AUTS2: variants seen among roughly 807,000 people sequenced by gnomAD.
AUTS2 encodes the protein activator of transcription and developmental regulator AUTS2.
In AUTS2, 17 loss-of-function variants were observed where a neutral mutation model predicts 112.4. The observed-to-expected ratio is 0.15, with a 90% CI of 0.10 to 0.23. AUTS2 has a LOEUF of 0.23. AUTS2 is among the 10% of genes least tolerant of loss of function. AUTS2 has a pLI of 1.00. For synonymous variants in AUTS2, 751 were observed against 702.7 expected (o/e 1.07, Z -1.09); for missense variants, 1,510 against 1,701.6 (o/e 0.89, Z 1.98).
intron 13 of AUTS2, chr7:70,776,759 C>A: frequency 2.7e-6 from 1 of 370,820 alleles, no homozygotes; most frequent in Non-Finnish European, 5.1e-6. Flanking sequence ...TTAAGTAGGG[C>A]TTCCCACTCT....
chr7:70,632,316 C>A (rs757684797), intron 5 of AUTS2, among the ~76,000 whole-genome samples: 13 of 152,124 alleles, frequency 8.5e-5, no homozygotes, highest in African/African-American at 3.1e-4. Flanking sequence ...CCGGGGGATT[C>A]GGTTTCCTCT....
intron 6 of AUTS2, among the ~76,000 whole-genome samples, chr7:70,734,586 G>C (rs1787671454): frequency 6.6e-6 from 1 of 152,142 alleles, no homozygotes; most frequent in African/African-American, 2.4e-5. Flanking sequence ...GGGGCTGGCA[G>C]GGTGAGGTAT....
At chr7:70,015,040 G>A (rs1453278560) in intron 2 of AUTS2, among the ~76,000 whole-genome samples, 2 of 152,214 alleles carry the variant, frequency 1.3e-5, no homozygotes, top group Non-Finnish European at 2.9e-5. Flanking sequence ...ATATCCAGCT[G>A]TTGTGGTGGT....
At chr7:70,400,965 G>A (rs1794302205) in intron 4 of AUTS2, among the ~76,000 whole-genome samples, 1 of 152,166 alleles carries the variant, frequency 6.6e-6, no homozygotes, top group African/African-American at 2.4e-5. Flanking sequence ...GGAGCTGAGA[G>A]AGCCTGGAGG....
chr7:69,786,664 C>T (rs1405266987), intron 1 of AUTS2, among the ~76,000 whole-genome samples: 1 of 152,154 alleles, frequency 6.6e-6, no homozygotes. Context: ...AAGAACCCAC[C>T]AGAAGGAACT....
intron 4 of AUTS2, among the ~76,000 whole-genome samples, chr7:70,237,765 C>T (rs1412277070): frequency 6.6e-6 from 1 of 152,158 alleles, no homozygotes; most frequent in African/African-American, 2.4e-5. Context: ...AGCAGAATTA[C>T]TTTGTGAAAT....
intron 4 of AUTS2, among the ~76,000 whole-genome samples, chr7:70,363,456 TA>T (rs373437717): frequency 5.4e-5 from 3 of 55,406 alleles, no homozygotes; most frequent in East Asian, 4.4e-4. Context: ...GAGTATAATA[TA>T]AAAAAAAGAA....
At chr7:70,415,591 G>A (rs894968470) in intron 4 of AUTS2, among the ~76,000 whole-genome samples, 1 of 152,136 alleles carries the variant, frequency 6.6e-6, no homozygotes, top group African/African-American at 2.4e-5. Flanking sequence ...TTAAGATCTG[G>A]TGATCTGTAG....
At chr7:69,873,147 G>A (rs1341496067) in intron 1 of AUTS2, among the ~76,000 whole-genome samples, 1 of 151,898 alleles carries the variant, frequency 6.6e-6, no homozygotes, top group African/African-American at 2.4e-5. Flanking sequence ...CTAATCAAGT[G>A]GTTATCATCT....
intron 2 of AUTS2, among the ~76,000 whole-genome samples, chr7:69,930,738 T>G (rs573277195): frequency 6.6e-6 from 1 of 152,312 alleles, no homozygotes; most frequent in Admixed American, 6.5e-5. Flanking sequence ...ACCCAATGCC[T>G]TGTTCTTTCA....
At chr7:69,632,729 T>G in intron 1 of AUTS2, among the ~76,000 whole-genome samples, 1 of 152,124 alleles carries the variant, frequency 6.6e-6, no homozygotes, top group East Asian at 1.9e-4. Flanking sequence ...TTAAAAATCT[T>G]AAGTATTTAG....
chr7:70,558,317 T>G (rs914365326), intron 5 of AUTS2, among the ~76,000 whole-genome samples: 2 of 152,160 alleles, frequency 1.3e-5, no homozygotes, highest in African/African-American at 2.4e-5. Flanking sequence ...GCAACTGTTG[T>G]GGCAAGAAAA....
intron 5 of AUTS2, among the ~76,000 whole-genome samples, chr7:70,491,588 A>AG (rs1798243539): frequency 2.8e-5 from 3 of 106,776 alleles, no homozygotes; most frequent in African/African-American, 8.4e-5. Flanking sequence ...ATGTATATAT[A>AG]TTGTGTGTGT....
chr7:70,765,084 G>A (rs760875170), intron 8 of AUTS2, 79 bp downstream of exon 8: 63 of 1,543,034 alleles, frequency 4.1e-5, no homozygotes, highest in African/African-American at 5.5e-5. Context: ...ATGTTGTCCC[G>A]ATTGCAAGGT....
At chr7:70,339,508 TCTA>T in intron 4 of AUTS2, among the ~76,000 whole-genome samples, 1 of 152,230 alleles carries the variant, frequency 6.6e-6, no homozygotes, top group Non-Finnish European at 1.5e-5. Context: ...TTCGGGGTCA[TCTA>T]TTGTATTAAT....
chr7:70,267,419 C>T (rs1212037238), intron 4 of AUTS2, among the ~76,000 whole-genome samples: 1 of 152,060 alleles, frequency 6.6e-6, no homozygotes, highest in Non-Finnish European at 1.5e-5. Context: ...CCAGGGAAAT[C>T]TTGTCTTCTA....
chr7:69,678,223 G>A (rs1385424814), intron 1 of AUTS2, among the ~76,000 whole-genome samples: 1 of 152,056 alleles, frequency 6.6e-6, no homozygotes, highest in African/African-American at 2.4e-5. Context: ...CTTGGAGGAA[G>A]CCAGGCCTGT....
chr7:69,749,213 T>C (rs1245977950), intron 1 of AUTS2, among the ~76,000 whole-genome samples: 2 of 152,174 alleles, frequency 1.3e-5, no homozygotes, highest in Non-Finnish European at 2.9e-5. Context: ...TACAGACTTC[T>C]ATTCCTTTGA....
chr7:69,817,501 G>A (rs1001158598), intron 1 of AUTS2, among the ~76,000 whole-genome samples: 17 of 152,180 alleles, frequency 1.1e-4, no homozygotes, highest in African/African-American at 4.1e-4. Context: ...TTTAACAGTT[G>A]GAGGACTGTT....
Sources: gnomAD v4.1 joint callset for allele counts (sites outside exome capture counted in the v4.1 genomes callset) on GRCh38, gnomAD v4.1.1 for gene constraint, MANE v1.5 for transcripts, NCBI Gene and HGNC (gene_info 2026-07-23, HGNC 2026-07-21) for gene names.